The following OPRM1 variants were observed in gnomAD, a reference collection of about 807,000 sequenced individuals.
OPRM1 encodes mu-type opioid receptor.
OPRM1 carries 27 observed loss-of-function variants against 31.8 expected under a neutral mutation model. The ratio of observed to expected loss-of-function variants is 0.85; its 90% confidence interval spans 0.63 to 1.17. The LOEUF (loss-of-function observed/expected upper bound fraction) is 1.17. OPRM1 is among the 50% of genes most tolerant of loss of function. The pLI is 0.00. For missense variants in OPRM1, 536 were observed against 511.1 expected, an observed-to-expected ratio of 1.05 and a Z score of -0.47; for synonymous variants, 196 against 189.9, an observed-to-expected ratio of 1.03 and a Z score of -0.26.
At position 154,132,049 on chromosome 6, in the gene OPRM1, A is replaced by G. The variant is rs1797928493; in HGVS notation, c.*13328A>G. 6.6e-6 allele frequency among the ~76,000 whole-genome samples: 1 copy of G among 151,864 alleles called. No individual in the cohort carries two copies. Among genetic ancestry groups the G allele is most frequent in the Non-Finnish European group, 1.5e-5 (1 of 67,982 alleles). On this transcript the variant is annotated 3_prime_UTR_variant, in exon 4 of 4. Transcript: ENST00000330432. ...AAAGTAGAGACAAAGCTACTATTTC[A>G]CATTTCCAGGTAGGACAGGATGATC... is the stretch of plus-strand genomic sequence containing the variant.
chr6:154,084,066 C>G (rs1789878470), intron 1 of OPRM1, among the ~76,000 whole-genome samples: 1 of 150,910 alleles, frequency 6.6e-6, no homozygotes, highest in Admixed American at 6.6e-5. Flanking sequence ...TAATTTCATA[C>G]AGGCCTCTCC....
rs1797809135 is a variant in OPRM1, at chr6:154,130,142, A to G, written c.*11421A>G. 6.7e-6 allele frequency among the ~76,000 whole-genome samples: 1 copy of G among 148,920 alleles called. No homozygotes were observed. Among genetic ancestry groups the G allele is most frequent in the Non-Finnish European group, 1.5e-5 (1 of 67,166 alleles). ...AAATTATTTTGTCTCTACCCAAACC[A>G]TCGATTTCATGGAAATGTTTAAATT... On this transcript the variant is annotated 3_prime_UTR_variant, in exon 4 of 4. Coordinates refer to ENST00000330432, the MANE Select transcript of OPRM1 (RefSeq NM_000914.5).
intron 1 of OPRM1, among the ~76,000 whole-genome samples, chr6:154,019,539 A>G (rs966225351): frequency 6.6e-6 from 1 of 150,878 alleles, no homozygotes; most frequent in Non-Finnish European, 1.5e-5. Flanking sequence ...AAATTCGTAC[A>G]CTCTTCCCAT....
At chr6:154,020,863 C>A (rs1778327043) in intron 1 of OPRM1, among the ~76,000 whole-genome samples, 1 of 152,146 alleles carries the variant, frequency 6.6e-6, no homozygotes, top group African/African-American at 2.4e-5. Context: ...CTTTGGACAC[C>A]AACCTTTATC....
At chr6:154,189,830 A>G (rs1208030525) in intron 3 of OPRM1, among the ~76,000 whole-genome samples, 3 of 151,958 alleles carry the variant, frequency 2.0e-5, no homozygotes, top group African/African-American at 7.3e-5. Context: ...TTATCTGGGC[A>G]TGGTGGCTGT....
rs529226954 is a variant in OPRM1, at chr6:154,196,761, T to C, written c.1165-49932T>C. Among the ~76,000 whole-genome samples, 3 of 152,300 alleles carry C rather than the reference T, an allele frequency of 2.0e-5. No homozygotes were observed. The East Asian group carries it at 5.8e-4, about 29-fold the overall frequency. Reference sequence around the variant, plus strand: ...CTTTTCCCATTATGCTTTGTGAAAATAATCAGTGAATAATTCCTAGAGCTC... The same window carrying C: ...CTTTTCCCATTATGCTTTGTGAAAACAATCAGTGAATAATTCCTAGAGCTC... On this transcript the variant is annotated intron_variant, in intron 3 of 3. Coordinates refer to the OPRM1 transcript ENST00000337049.
intron 3 of OPRM1, among the ~76,000 whole-genome samples, chr6:154,166,400 A>G (rs1004847180): frequency 6.6e-6 from 1 of 152,200 alleles, no homozygotes; most frequent in Non-Finnish European, 1.5e-5. Flanking sequence ...CAAACTGCAC[A>G]TGCTCTCCGC....
At chr6:154,210,955 A>G (rs1277173522) in intron 3 of OPRM1, among the ~76,000 whole-genome samples, 3 of 152,232 alleles carry the variant, frequency 2.0e-5, no homozygotes, top group African/African-American at 7.2e-5. Flanking sequence ...TAAATAATCA[A>G]TATAATACCT....
chr6:154,037,450 G>A (rs984178353), upstream of OPRM1, among the ~76,000 whole-genome samples: 2 of 150,632 alleles, frequency 1.3e-5, no homozygotes, highest in African/African-American at 2.4e-5. Context: ...TTTGTTTTTT[G>A]GTCAGGGCAA....
At chr6:154,100,400 A>C (rs1794659797) in intron 3 of OPRM1, among the ~76,000 whole-genome samples, 3 of 151,624 alleles carry the variant, frequency 2.0e-5, no homozygotes. Context: ...GTGTGAGATA[A>C]GTATGAATTT....
chr6:154,126,818 T>G lies in OPRM1; in HGVS notation c.*8097T>G, dbSNP rs1285521864. ...TATTAGACTTCTTACTTTCCCCAAA[T>G]AAAAAAGTGCCTGCTGGGCGCGGTG... On this transcript the variant is annotated 3_prime_UTR_variant, in exon 4 of 4. Coordinates refer to ENST00000330432, the MANE Select transcript of OPRM1 (RefSeq NM_000914.5). Among the ~76,000 whole-genome samples the G allele has an allele frequency of 6.6e-6, 1 of 151,954 alleles. No homozygotes were observed. Among genetic ancestry groups the G allele is most frequent in the East Asian group, 1.9e-4 (1 of 5,180 alleles).
chr6:154,168,157 A>G lies in OPRM1; in HGVS notation c.1164+76685A>G. ...GAAAGCAGTAACAATAAACCCAGTG[A>G]AAAATCAAGGAGAGAACATTCAATA... On this transcript the variant is annotated intron_variant, in intron 3 of 3. Transcript: ENST00000337049. This position sits in a 1 kb window ranked among gnomAD's most constrained non-coding sequence, Gnocchi z 4.1. 7.0e-7 allele frequency: 1 copy of G among 1,438,832 alleles called. No homozygotes were observed. Among genetic ancestry groups the G allele is most frequent in the Non-Finnish European group, 9.4e-7 (1 of 1,063,328 alleles). The allele number at this position is 1,438,832 out of a possible 1,614,324, so 89.1% of individuals were successfully genotyped here.
chr6:154,244,818 T>A (rs558034188), intron 3 of OPRM1, among the ~76,000 whole-genome samples: 67 of 152,290 alleles, frequency 4.4e-4, no homozygotes, highest in African/African-American at 1.4e-3. Flanking sequence ...AAGATGAACA[T>A]CCTCCTTCTA....
Position 154,168,828 on chromosome 6 carries a change from ACTC to A in OPRM1, c.1164+77359_1164+77361del, listed in dbSNP as rs1490655079. 6.7e-6 allele frequency among the ~76,000 whole-genome samples: 1 copy of A among 149,502 alleles called. No individual in the cohort carries two copies. The highest frequency in any genetic ancestry group is 2.0e-4 in the East Asian group (1 of 5,070). On this transcript the variant is annotated intron_variant, in intron 3 of 3. Coordinates refer to the OPRM1 transcript ENST00000337049. The surrounding 1 kb of genome is among the most constrained non-coding windows in gnomAD (Gnocchi z 4.1). ...ACCATGTTGCCCAGGCTGGTCTTGA[ACTC>A]CTGACTTTGGGTGATCCGCCCACCT...
At chr6:154,027,402 A>T (rs1191537966) in intron 1 of OPRM1, among the ~76,000 whole-genome samples, 1 of 152,174 alleles carries the variant, frequency 6.6e-6, no homozygotes, top group Non-Finnish European at 1.5e-5. Context: ...GACCACCACT[A>T]CTAGGACTCT....
At chr6:154,180,615 C>T (rs996784825) in intron 3 of OPRM1, among the ~76,000 whole-genome samples, 3 of 151,872 alleles carry the variant, frequency 2.0e-5, no homozygotes, top group African/African-American at 7.3e-5. Context: ...ATTTGGCTGT[C>T]GAGAACACTG....
chr6:154,142,969 T>C (rs1188732970), intron 3 of OPRM1, among the ~76,000 whole-genome samples: 1 of 152,188 alleles, frequency 6.6e-6, no homozygotes, highest in South Asian at 2.1e-4. Flanking sequence ...GGACCAGTTC[T>C]TCCTTACAAT....
intron 3 of OPRM1, among the ~76,000 whole-genome samples, chr6:154,097,260 A>G (rs1793554313): frequency 6.6e-6 from 1 of 152,232 alleles, no homozygotes; most frequent in Admixed American, 6.5e-5. Context: ...CACTTTCTTG[A>G]CATTTTAATC....
downstream of OPRM1, among the ~76,000 whole-genome samples, chr6:154,134,791 AT>A (rs372864441): frequency 0.01 from 1,559 of 149,198 alleles, 35 homozygotes; most frequent in African/African-American, 0.035. Context: ...TTTAACATGC[AT>A]TTTTTTTTTA....
Sources: gnomAD v4.1 joint callset for allele counts (sites outside exome capture counted in the v4.1 genomes callset) on GRCh38, gnomAD v4.1.1 for gene constraint, Gnocchi (gnomAD v3.1) non-coding constraint, MANE v1.5 for transcripts, NCBI Gene and HGNC (gene_info 2026-07-23, HGNC 2026-07-21) for gene names.